ME1: variants seen among roughly 807,000 people sequenced by gnomAD.
ME1 encodes the protein NADP-dependent malic enzyme.
ME1 carries 74 observed loss-of-function variants against 66.4 expected under a neutral mutation model. The ratio of observed to expected loss-of-function variants is 1.11; its 90% CI spans 0.92 to 1.35. ME1 has a LOEUF of 1.35. Among genes scored for constraint, ME1 ranks in the 40% most tolerant of loss-of-function variants. The probability of loss-of-function intolerance (pLI) is 0.00; values close to 1 mark genes in which losing one functional copy is unlikely to be tolerated. For missense variants in ME1, 750 were observed against 694.1 expected, an observed-to-expected ratio of 1.08 and a Z score of -0.90; for synonymous variants, 251 against 235.6, an observed-to-expected ratio of 1.07 and a Z score of -0.60.
intron 9 of ME1, among the ~76,000 whole-genome samples, chr6:83,230,911 C>T (rs530989743): frequency 4.2e-4 from 63 of 151,770 alleles, no homozygotes; most frequent in Middle Eastern, 3.4e-3. Flanking sequence ...CCAGCCTGGG[C>T]GACAGCGAGA....
chr6:83,372,643 C>T (rs1047433447), intron 3 of ME1, among the ~76,000 whole-genome samples: 3 of 152,156 alleles, frequency 2.0e-5, no homozygotes, highest in East Asian at 1.9e-4. Flanking sequence ...GTAACTTACA[C>T]GACCAGGTAA....
chr6:83,375,906 G>C (rs1017077616), intron 3 of ME1, among the ~76,000 whole-genome samples: 7 of 152,068 alleles, frequency 4.6e-5, no homozygotes, highest in African/African-American at 1.7e-4. Context: ...TAATTGAATT[G>C]TGTATGTTAT....
At chr6:83,333,249 G>A (rs1386076032) in intron 5 of ME1, among the ~76,000 whole-genome samples, 4 of 152,112 alleles carry the variant, frequency 2.6e-5, no homozygotes, top group Non-Finnish European at 5.9e-5. Flanking sequence ...ATTATTAAGT[G>A]TAAAATATGC....
At chr6:83,270,341 A>C (rs1478417964) in intron 6 of ME1, among the ~76,000 whole-genome samples, 3 of 152,146 alleles carry the variant, frequency 2.0e-5, no homozygotes, top group Non-Finnish European at 4.4e-5. Context: ...ATCAGGTCCC[A>C]GATTTCTTGT....
intron 5 of ME1, among the ~76,000 whole-genome samples, chr6:83,321,960 G>T (rs969141957): frequency 1.3e-5 from 2 of 152,216 alleles, no homozygotes; most frequent in Non-Finnish European, 2.9e-5. Flanking sequence ...GAAGGAACAG[G>T]CAGCAATCTT....
intron 4 of ME1, among the ~76,000 whole-genome samples, 153 bp downstream of exon 4, chr6:83,351,911 T>C (rs1013924884): frequency 3.3e-5 from 5 of 152,116 alleles, no homozygotes; most frequent in African/African-American, 4.8e-5. Flanking sequence ...TAACCCACTA[T>C]GTAAAAATCA....
Position 83,352,120 on chromosome 6 carries a change from G to C in ME1, c.382C>G (p.His128Asp), listed in dbSNP as rs776205138. 1.9e-6 allele frequency: 3 copies of C among 1,561,016 alleles called. No individual in the cohort carries two copies. The South Asian group carries it at 3.5e-5, about 18-fold the overall frequency. ...RKPRGLFITI[H>D]DRGHIASVLN... The stretch of plus-strand genomic sequence containing the variant: ...ACTGAAGCAATATGCCCTCGATCGT[G>C]GATAGTAATAAAGAGACCTCTGCAG... The change falls in exon 4 of 14, where the codon CAC becomes GAC. Residue 128 changes from histidine to aspartate, a missense_variant. His to Asp is a moderately conservative substitution (Grantham distance 81, BLOSUM62 -1). Transcript: ENST00000369705.
At chr6:83,271,082 T>A (rs1767074055) in intron 6 of ME1, among the ~76,000 whole-genome samples, 1 of 151,826 alleles carries the variant, frequency 6.6e-6, no homozygotes, top group African/African-American at 2.4e-5. Context: ...AAGGGGCTTT[T>A]ACTTTCCGGT....
intron 7 of ME1, among the ~76,000 whole-genome samples, chr6:83,247,623 G>A (rs1228065839): frequency 6.6e-6 from 1 of 151,802 alleles, no homozygotes; most frequent in Non-Finnish European, 1.5e-5. Context: ...TATTTTTGTT[G>A]GCACTGGAAT....
At chr6:83,421,855 A>G (rs1275225264) in intron 1 of ME1, among the ~76,000 whole-genome samples, 1 of 152,212 alleles carries the variant, frequency 6.6e-6, no homozygotes, top group East Asian at 1.9e-4. Context: ...ATTCTAAGGT[A>G]AGGGAATCAT....
intron 9 of ME1, among the ~76,000 whole-genome samples, chr6:83,237,231 G>GAAAGAAAGA (rs1663707034): frequency 1.5e-5 from 1 of 65,406 alleles, no homozygotes; most frequent in African/African-American, 7.2e-5. Context: ...AGAGAGAAAA[G>GAAAGAAAGA]AAAGAAAGAA....
intron 9 of ME1, among the ~76,000 whole-genome samples, chr6:83,229,828 G>A (rs1339007252): frequency 6.6e-6 from 1 of 152,082 alleles, no homozygotes; most frequent in African/African-American, 2.4e-5. Flanking sequence ...TTTTATTTCT[G>A]TTGCTTTTGT....
At position 83,364,439 on chromosome 6, in the gene ME1, TAAATACACTGATCATTTTTCA is replaced by T. The variant is rs1234212057; in HGVS notation, c.363-12321_363-12301del. The stretch of plus-strand genomic sequence containing the variant: ...TTCTGTCCCTCTAGAGAACCCTGAC[TAAATACACTGATCATTTTTCA>T]AGTACATTCTTACTTTTTGGTACAT... On this transcript the variant is annotated intron_variant, in intron 3 of 13. Transcript: ENST00000369705. 5.9e-5 allele frequency among the ~76,000 whole-genome samples: 9 copies of T among 152,302 alleles called. No individual in the cohort carries two copies. In the East Asian group the frequency reaches 1.7e-3, roughly 29 times the overall value.
At position 83,211,952 on chromosome 6, in the gene ME1, T is replaced by C; in HGVS notation, c.1691A>G (p.Gln564Arg). The change falls in exon 14 of 14, where the codon CAG (glutamine) becomes CGG (arginine). Residue 564 changes from glutamine to arginine, a missense_variant. By Grantham distance (43) the Gln-to-Arg change is conservative. Coordinates refer to ENST00000369705, the MANE Select transcript of ME1 (RefSeq NM_002395.6). ...CTGGTCAACTTTGGTCTGTATTTTC[T>C]GCACCTCTTCAGGCCAAGAATAACA... ...PDCYSWPEEV[Q>R]KIQTKVDQ is the part of the protein sequence containing the mutation. 6.2e-7 allele frequency: 1 copy of C among 1,605,044 alleles called. No individual in the cohort carries two copies.
intron 6 of ME1, among the ~76,000 whole-genome samples, chr6:83,283,938 G>T (rs1206625724): frequency 2.0e-5 from 3 of 152,120 alleles, no homozygotes; most frequent in East Asian, 3.9e-4. Flanking sequence ...AAGAATCAAT[G>T]ACATCAAAAG....
chr6:83,368,309 G>A (rs1562492018), intron 3 of ME1, among the ~76,000 whole-genome samples: 1 of 150,930 alleles, frequency 6.6e-6, no homozygotes, highest in Non-Finnish European at 1.5e-5. Context: ...GTGAACACAT[G>A]CTATTGGAAA....
At chr6:83,352,308 G>A (rs1293194743) in intron 3 of ME1, among the ~76,000 whole-genome samples, 169 bp from the exon 4 acceptor site, 2 of 151,900 alleles carry the variant, frequency 1.3e-5, no homozygotes, top group Non-Finnish European at 2.9e-5. Flanking sequence ...ATTCTTATAA[G>A]TAAGGGAGAA....
At chr6:83,237,320 GAAGGA>G (rs1790431728) in intron 9 of ME1, among the ~76,000 whole-genome samples, 1 of 130,828 alleles carries the variant, frequency 7.6e-6, no homozygotes, top group African/African-American at 2.9e-5. Context: ...GAAAGAAAAG[GAAGGA>G]AAGGAAGGAA....
At chr6:83,400,867 C>A (rs919230521) in intron 2 of ME1, among the ~76,000 whole-genome samples, 3 of 152,202 alleles carry the variant, frequency 2.0e-5, no homozygotes, top group Non-Finnish European at 4.4e-5. Flanking sequence ...TTCCCTAACT[C>A]ATTCTGCTCT....
Sources: gnomAD v4.1 joint callset for allele counts (sites outside exome capture counted in the v4.1 genomes callset) on GRCh38, gnomAD v4.1.1 for gene constraint, MANE v1.5 for transcripts, NCBI Gene and HGNC (gene_info 2026-07-23, HGNC 2026-07-21) for gene names.